The following CEP112 variants were observed in gnomAD, a reference collection of about 807,000 sequenced individuals.
The protein encoded by CEP112 is centrosomal protein 112, also known as centrosomal protein of 112 kDa.
A neutral mutation model predicts 153.0 loss-of-function variants in CEP112; 127 were observed. The observed-to-expected ratio is 0.83, with a 90% CI of 0.72 to 0.96. The LOEUF is 0.96. CEP112 is among the 40% of genes least tolerant of loss of function. The pLI, the probability that CEP112 is intolerant of heterozygous loss-of-function variation, is 0.00. For synonymous variants in CEP112, 358 were observed against 374.4 expected (o/e 0.96, Z 0.51); for missense variants, 1,089 against 1,101.2 (o/e 0.99, Z 0.16).
intron 12 of CEP112, among the ~76,000 whole-genome samples, chr17:66,039,048 A>T (rs924987278): frequency 2.6e-5 from 4 of 152,186 alleles, no homozygotes; most frequent in Non-Finnish European, 4.4e-5. Context: ...ATACTAAATA[A>T]GGGAGATGAA....
intron 25 of CEP112, among the ~76,000 whole-genome samples, chr17:65,639,836 CTTT>C (rs554226605): frequency 1.6e-4 from 18 of 110,958 alleles, no homozygotes; most frequent in African/African-American, 6.2e-4. Flanking sequence ...CTCTTTCTTT[CTTT>C]TTTTTTTTTT....
chr17:65,809,134 A>T (rs1289841188), intron 21 of CEP112, among the ~76,000 whole-genome samples: 1 of 152,190 alleles, frequency 6.6e-6, no homozygotes, highest in Non-Finnish European at 1.5e-5. Flanking sequence ...ATGGACTAAG[A>T]TAAGATCTGA....
intron 4 of CEP112, among the ~76,000 whole-genome samples, chr17:66,137,921 A>G (rs1225909126): frequency 6.6e-6 from 1 of 152,210 alleles, no homozygotes; most frequent in Admixed American, 6.5e-5. Flanking sequence ...AGATTACTCT[A>G]TTGATATAAT....
intron 6 of CEP112, among the ~76,000 whole-genome samples, chr17:66,116,458 G>A (rs924760551): frequency 6.6e-6 from 1 of 152,008 alleles, no homozygotes; most frequent in Admixed American, 6.6e-5. Context: ...TTAAATAAGG[G>A]ATCTTTGATC....
chr17:65,738,961 C>T (rs1721438763), intron 23 of CEP112, among the ~76,000 whole-genome samples: 1 of 152,206 alleles, frequency 6.6e-6, no homozygotes, highest in Admixed American at 6.5e-5. Flanking sequence ...TGGGCTGGCC[C>T]TATGACCTAT....
In CEP112 at chr17:65,667,508, G is replaced by A. The variant is rs191913449; in HGVS notation, c.2697+21621C>T. Among the ~76,000 whole-genome samples, 141 of 151,488 alleles carry A rather than the reference G, an allele frequency of 9.3e-4. 2 individuals carry two copies. Among genetic ancestry groups the A allele is most frequent in the African/African-American group, 3.2e-3 (134 of 41,262 alleles). The stretch of plus-strand genomic sequence containing the variant: ...AAAAAAATATATATTATTTTCACTC[G>A]TACATCTATAATTTAAGAAGGATAT... On this transcript the variant is annotated intron_variant, in intron 24 of 26. Coordinates refer to ENST00000535342, the MANE Select transcript of CEP112 (RefSeq NM_001199165.4).
chr17:65,969,648 A>T (rs2062571739), intron 17 of CEP112, among the ~76,000 whole-genome samples: 1 of 152,236 alleles, frequency 6.6e-6, no homozygotes, highest in South Asian at 2.1e-4. Context: ...GCAAGCATAT[A>T]TGACATGTAT....
intron 21 of CEP112, among the ~76,000 whole-genome samples, chr17:65,822,415 C>T (rs1254861466): frequency 1.3e-5 from 2 of 152,150 alleles, no homozygotes; most frequent in African/African-American, 2.4e-5. Context: ...AACATTCTCT[C>T]GTATACTGTA....
chr17:65,948,926 C>T (rs1026752194), intron 18 of CEP112, among the ~76,000 whole-genome samples: 1 of 152,080 alleles, frequency 6.6e-6, no homozygotes. Flanking sequence ...GAAAAAGATG[C>T]CCTACAGCTC....
At chr17:66,179,735 G>A (rs1400471856) in intron 2 of CEP112, among the ~76,000 whole-genome samples, 1 of 152,138 alleles carries the variant, frequency 6.6e-6, no homozygotes, top group African/African-American at 2.4e-5. Context: ...CTGAATAACA[G>A]CGGTGAAAGT....
At chr17:65,876,363 CT>C (rs1236994121) in intron 20 of CEP112, among the ~76,000 whole-genome samples, 17 of 152,284 alleles carry the variant, frequency 1.1e-4, no homozygotes, top group African/African-American at 4.1e-4. Flanking sequence ...AGAAGTCTGA[CT>C]TGTAATTTTT....
At position 66,079,608 on chromosome 17, in the gene CEP112, T is replaced by A. The variant is rs1011555783; in HGVS notation, c.769-9607A>T. On this transcript the variant is annotated intron_variant, in intron 8 of 26. Transcript: ENST00000535342. ...AAAGTAATTTATAGATTCAATGCTA[T>A]CCCCATCAAGCTACCATTGACTTTT... Among the ~76,000 whole-genome samples, 8 of 152,202 alleles carry A rather than the reference T, an allele frequency of 5.3e-5. No homozygotes were observed. The East Asian group carries it at 5.8e-4, about 11-fold the overall frequency.
chr17:66,001,404 T>C (rs1056756826), intron 17 of CEP112, among the ~76,000 whole-genome samples: 1 of 152,216 alleles, frequency 6.6e-6, no homozygotes, highest in African/African-American at 2.4e-5. Flanking sequence ...GTTGTGTTTC[T>C]TTTCATATTC....
At chr17:66,172,075 T>C (rs2072266348) in intron 4 of CEP112, among the ~76,000 whole-genome samples, 1 of 152,242 alleles carries the variant, frequency 6.6e-6, no homozygotes, top group East Asian at 1.9e-4. Flanking sequence ...CAAAGGGATT[T>C]TGTACAGATT....
At chr17:65,984,338 C>A (rs984187267) in intron 17 of CEP112, among the ~76,000 whole-genome samples, 2 of 152,082 alleles carry the variant, frequency 1.3e-5, no homozygotes, top group African/African-American at 2.4e-5. Context: ...GTCAGTGGTG[C>A]CAGATCTCAC....
chr17:65,996,971 G>A (rs1328229381), intron 17 of CEP112, among the ~76,000 whole-genome samples: 2 of 152,176 alleles, frequency 1.3e-5, no homozygotes, highest in Non-Finnish European at 1.5e-5. Flanking sequence ...CACTTTGGGA[G>A]GCTGAAATGG....
chr17:66,081,111 T>C (rs560156323), intron 8 of CEP112, among the ~76,000 whole-genome samples: 6 of 152,124 alleles, frequency 3.9e-5, no homozygotes, highest in Admixed American at 2.6e-4. Flanking sequence ...TGTATACCTA[T>C]GTAACAAACC....
chr17:65,716,231 AT>A (rs1297862390), intron 23 of CEP112, among the ~76,000 whole-genome samples: 5 of 151,850 alleles, frequency 3.3e-5, no homozygotes, highest in Non-Finnish European at 7.4e-5. Context: ...ATCTCGGCTC[AT>A]TGCAACCTCC....
chr17:65,972,487 A>G (rs1185269422), intron 17 of CEP112, among the ~76,000 whole-genome samples: 1 of 152,232 alleles, frequency 6.6e-6, no homozygotes, highest in African/African-American at 2.4e-5. Context: ...TTTAAAGAAC[A>G]GTAAAACACA....
Sources: allele counts gnomAD v4.1 joint callset (sites outside exome capture counted in the v4.1 genomes callset), GRCh38; gene constraint gnomAD v4.1.1; transcripts MANE v1.5; gene names NCBI Gene and HGNC (gene_info 2026-07-23, HGNC 2026-07-21).